Variants in ITSN2 observed in about 807,000 individuals in gnomAD.
The protein encoded by ITSN2 is intersectin 2.
In ITSN2, 156 loss-of-function variants were observed where a neutral mutation model predicts 243.7. The observed-to-expected ratio is 0.64, with a 90% CI of 0.56 to 0.73. ITSN2 has a LOEUF of 0.73. ITSN2 is among the 30% of genes least tolerant of loss of function. The pLI, the probability that ITSN2 is intolerant of heterozygous loss-of-function variation, is 0.00. For missense variants in ITSN2, 1,801 were observed against 1,996.1 expected (o/e 0.90, Z 1.86); for synonymous variants, 703 against 699.9 (o/e 1.00, Z -0.07).
chr2:24,248,991 T>C, intron 25 of ITSN2, 109 bp from the exon 26 acceptor site: 1 of 1,115,986 alleles, frequency 9.0e-7, no homozygotes, highest in Non-Finnish European at 1.3e-6. Context: ...TCTTTTCTCT[T>C]TAAATGAAGA....
rs1670119926 is a variant in ITSN2 at position 24,217,921 on chromosome 2, G to A, written c.3792C>T (p.Asn1264=). The A allele has an allele frequency of 4.3e-6, 7 of 1,612,850 alleles. No homozygotes were observed. Among genetic ancestry groups the A allele is most frequent in the Non-Finnish European group, 5.9e-6 (7 of 1,178,938 alleles). ...TCAGGACTCACTTCAGCAGCTTTGTGTTGGACATGATGAGCTCCTTCCAGT... is the reference window on the plus strand; with the variant it reads ...TCAGGACTCACTTCAGCAGCTTTGTATTGGACATGATGAGCTCCTTCCAGT... The part of the protein sequence containing the change: ...FVNWKELIMS[N]TKLLKALRVR... Residue 1264 remains asparagine (N), a synonymous_variant, in exon 31 of 40, where the codon AAC becomes AAT. Transcript: ENST00000355123.
intron 29 of ITSN2, among the ~76,000 whole-genome samples, chr2:24,244,717 C>G (rs1043653237): frequency 1.3e-5 from 2 of 152,108 alleles, no homozygotes; most frequent in Non-Finnish European, 2.9e-5. Context: ...TTAGGCAACC[C>G]AAGTTACAAT....
intron 1 of ITSN2, among the ~76,000 whole-genome samples, chr2:24,330,231 C>T (rs1186964893): frequency 6.6e-6 from 1 of 152,214 alleles, no homozygotes; most frequent in African/African-American, 2.4e-5. Context: ...ACTTACAAAT[C>T]ATCTGTCTAG....
intron 23 of ITSN2, among the ~76,000 whole-genome samples, chr2:24,257,452 CTTTCT>C (rs770187861): frequency 6.6e-6 from 1 of 151,300 alleles, no homozygotes; most frequent in Non-Finnish European, 1.5e-5. Context: ...TAAGAATTAC[CTTTCT>C]TTTTTCTTTT....
chr2:24,210,827 G>A lies in ITSN2; in HGVS notation c.4210C>T (p.Arg1404Ter), dbSNP rs756207998. The A allele has an allele frequency of 9.9e-6, 16 of 1,614,036 alleles. No homozygotes were observed. Among genetic ancestry groups the A allele is most frequent in the South Asian group, 3.3e-5 (3 of 91,082 alleles). The change falls in exon 34 of 40, where the codon CGA (arginine) becomes TGA (stop). Residue 1404 changes from arginine to a stop codon, truncating the protein, a stop_gained. Coordinates refer to ENST00000355123, the MANE Select transcript of ITSN2 (RefSeq NM_006277.3). LOFTEE classifies it high-confidence loss of function. ...EGVREKENSDRLEWIQAHVQC... is the reference protein window; with the variant it reads ...EGVREKENSD ...ACGTGCGCCTGGATCCACTCCAGTC[G>A]GTCCGAGTTTTCCTTCTCCCGAACT... is the stretch of plus-strand genomic sequence containing the variant.
At chr2:24,251,347 A>ATATGTGTG (rs1553355988) in intron 25 of ITSN2, among the ~76,000 whole-genome samples, 1 of 2,576 alleles carries the variant, frequency 3.9e-4, no homozygotes, top group African/African-American at 1.5e-3. Flanking sequence ...ATATATATAT[A>ATATGTGTG]TGTGTGTGTG....
chr2:24,235,914 A>T (rs1010478873), intron 29 of ITSN2, among the ~76,000 whole-genome samples: 1 of 152,196 alleles, frequency 6.6e-6, no homozygotes, highest in African/African-American at 2.4e-5. Flanking sequence ...GCTGGCGGAA[A>T]TAGAAAATGG....
At chr2:24,221,219 C>A (rs1246444521) in intron 29 of ITSN2, 153 bp from the exon 30 acceptor site, 2 of 730,874 alleles carry the variant, frequency 2.7e-6, no homozygotes, top group East Asian at 2.9e-5. Context: ...GAGCAGCATG[C>A]GTACGCGGAG....
chr2:24,203,584 C>T lies in ITSN2; in HGVS notation c.*42G>A. The T allele has an allele frequency of 6.3e-7, 1 of 1,585,598 alleles. No homozygotes were observed. On this transcript the variant is annotated 3_prime_UTR_variant, in exon 40 of 40. Transcript: ENST00000355123. ...AGCGCAGTCTCTCATTCTCCAGCCC[C>T]AGCCTTGTGGGCTGTCCCGCTGGTG...
chr2:24,319,187 C>T (rs1684269753), intron 2 of ITSN2, among the ~76,000 whole-genome samples: 1 of 152,148 alleles, frequency 6.6e-6, no homozygotes, highest in South Asian at 2.1e-4. Context: ...ATGAAAATGT[C>T]CCTCTTACAT....
chr2:24,252,300 A>G (rs780313097), intron 25 of ITSN2, 45 bp downstream of exon 25: 3 of 1,347,646 alleles, frequency 2.2e-6, no homozygotes, highest in South Asian at 2.5e-5. Flanking sequence ...TAATTTAAGT[A>G]TAAACCTGAT....
intron 15 of ITSN2, among the ~76,000 whole-genome samples, chr2:24,287,545 G>C (rs1292737922): frequency 6.6e-6 from 1 of 152,104 alleles, no homozygotes; most frequent in Non-Finnish European, 1.5e-5. Flanking sequence ...TGTTTCCTTT[G>C]AATATATATT....
chr2:24,314,005 C>T (rs569649067), intron 3 of ITSN2, among the ~76,000 whole-genome samples: 1 of 152,270 alleles, frequency 6.6e-6, no homozygotes, highest in African/African-American at 2.4e-5. Flanking sequence ...GCAATCTTAA[C>T]GAATCCGGTA....
Position 24,217,989 on chromosome 2 carries a change from A to T in ITSN2, c.3724T>A (p.Ser1242Thr). ...VEVFQKRMAE[S>T]GFLTEGEMAL... ...ATCTCCCCTTCAGTGAGAAAGCCTG[A>T]CTCTGCCATGCGTTTCTGAAAAACC... The change falls in exon 31 of 40, where the codon TCA becomes ACA. Residue 1242 changes from serine to threonine, a missense_variant. Physicochemically the swap from Ser to Thr is moderately conservative, Grantham distance 58. Coordinates refer to ENST00000355123, the MANE Select transcript of ITSN2 (RefSeq NM_006277.3). The T allele has an allele frequency of 1.2e-6, 2 of 1,613,902 alleles. No homozygotes were observed. The highest frequency in any genetic ancestry group is 1.7e-6 in the Non-Finnish European group (2 of 1,179,872).
chr2:24,308,701 C>G lies in ITSN2; in HGVS notation c.709G>C (p.Glu237Gln). The G allele has an allele frequency of 6.5e-7, 1 of 1,531,222 alleles. No homozygotes were observed. The highest frequency in any genetic ancestry group is 8.8e-7 in the Non-Finnish European group (1 of 1,132,186). The allele number at this position is 1,531,222 out of a possible 1,614,324, so 94.9% of individuals were successfully genotyped here. ...SGNSPKTGTS[E>Q]WAVPQPTRLK... is the part of the protein sequence containing the mutation. ...CTTGTAGGCTGAGGAACTGCCCACT[C>G]TGAGGTCCCAGTCTTGGGTGAGTTC... Residue 237 changes from glutamate (E) to glutamine (Q), a missense_variant, in exon 8 of 40, where the codon GAG becomes CAG. This residue lies in a region of ITSN2 where 787 missense variants were observed against 803.9 expected (regional missense o/e 0.98). Coordinates refer to ENST00000355123, the MANE Select transcript of ITSN2 (RefSeq NM_006277.3).
At chr2:24,280,897 C>T (rs34504814) in intron 17 of ITSN2, among the ~76,000 whole-genome samples, 51,735 of 152,086 alleles carry the variant, frequency 0.34, 9,237 homozygotes, top group African/African-American at 0.42. Flanking sequence ...TAATCCATCA[C>T]TCCCATTATT....
intron 20 of ITSN2, among the ~76,000 whole-genome samples, chr2:24,263,058 C>T (rs982632566): frequency 1.3e-5 from 2 of 152,096 alleles, no homozygotes; most frequent in Non-Finnish European, 2.9e-5. Context: ...TCTAACTTCC[C>T]CCAACCCAAG....
intron 18 of ITSN2, among the ~76,000 whole-genome samples, chr2:24,273,198 T>A (rs1344363175): frequency 6.6e-6 from 1 of 152,214 alleles, no homozygotes; most frequent in South Asian, 2.1e-4. Context: ...TCTCAACTGT[T>A]TCAGACTTCA....
chr2:24,287,067 T>C (rs2151565332), intron 15 of ITSN2, among the ~76,000 whole-genome samples: 1 of 152,260 alleles, frequency 6.6e-6, no homozygotes, highest in East Asian at 1.9e-4. Context: ...AGTAAAAAAT[T>C]AAAACACCTC....
Sources: gnomAD v4.1 joint callset for allele counts (sites outside exome capture counted in the v4.1 genomes callset) on GRCh38, gnomAD v4.1.1 for gene constraint, gnomAD v4.1.1 regional missense constraint, MANE v1.5 for transcripts, NCBI Gene and HGNC (gene_info 2026-07-23, HGNC 2026-07-21) for gene names.